The following LRRTM4 variants were observed in gnomAD, a reference collection of about 807,000 sequenced individuals.
LRRTM4 encodes the protein leucine rich repeat transmembrane neuronal 4, also known as leucine-rich repeat transmembrane neuronal protein 4.
Under a neutral mutation model 47.6 loss-of-function variants are expected in LRRTM4, and 25 were observed. The observed-to-expected ratio is 0.53, with a 90% CI of 0.38 to 0.73. The LOEUF (loss-of-function observed/expected upper bound fraction) is 0.73, where lower values mean the gene tolerates loss of function less well. Among genes scored for constraint, LRRTM4 ranks in the 30% least tolerant of loss-of-function variants. The pLI, the probability that LRRTM4 is intolerant of heterozygous loss-of-function variation, is 0.00. For synonymous variants in LRRTM4, 311 were observed against 269.5 expected (o/e 1.15, Z -1.51); for missense variants, 638 against 713.4 (o/e 0.89, Z 1.20).
intron 3 of LRRTM4, among the ~76,000 whole-genome samples, chr2:77,285,363 T>TATATATATATATATATATATATA (rs1676625877): frequency 2.8e-5 from 4 of 143,428 alleles, no homozygotes; most frequent in South Asian, 2.2e-4. Flanking sequence ...TATATATATA[T>TATATATATATATATATATATATA]GGCCAATAGA....
chr2:76,906,084 G>T (rs939286450), intron 3 of LRRTM4, among the ~76,000 whole-genome samples: 2 of 152,084 alleles, frequency 1.3e-5, no homozygotes, highest in African/African-American at 4.8e-5. Context: ...AAATGTTAAG[G>T]GCAGCCAGAG....
chr2:77,387,077 C>T (rs1673308126), intron 3 of LRRTM4, among the ~76,000 whole-genome samples: 1 of 152,010 alleles, frequency 6.6e-6, no homozygotes, highest in Non-Finnish European at 1.5e-5. Context: ...GGCAATATTC[C>T]TTGCATGAAG....
intron 3 of LRRTM4, among the ~76,000 whole-genome samples, chr2:77,187,424 T>G (rs943723484): frequency 7.6e-6 from 1 of 130,756 alleles, no homozygotes; most frequent in Non-Finnish European, 1.5e-5. Flanking sequence ...CATATTACAA[T>G]GAGAACACAT....
chr2:77,225,201 C>G (rs181053295), intron 3 of LRRTM4, among the ~76,000 whole-genome samples: 4 of 103,038 alleles, frequency 3.9e-5, no homozygotes, highest in Non-Finnish European at 5.4e-5. Flanking sequence ...CATCACACAC[C>G]GGGGACTGTT....
chr2:77,302,229 C>T (rs1677149297), intron 3 of LRRTM4, among the ~76,000 whole-genome samples: 1 of 152,136 alleles, frequency 6.6e-6, no homozygotes, highest in Non-Finnish European at 1.5e-5. Flanking sequence ...GCATCTAATA[C>T]AGAAATAATT....
At chr2:77,259,210 G>A (rs1255130801) in intron 3 of LRRTM4, among the ~76,000 whole-genome samples, 1 of 151,964 alleles carries the variant, frequency 6.6e-6, no homozygotes, top group Non-Finnish European at 1.5e-5. Context: ...ACTTAGATGT[G>A]AATTCTGACT....
intron 3 of LRRTM4, among the ~76,000 whole-genome samples, chr2:77,359,583 A>G (rs1179892787): frequency 1.3e-5 from 2 of 152,216 alleles, no homozygotes; most frequent in Non-Finnish European, 2.9e-5. Context: ...ATAGTGTTGT[A>G]AATTACATGA....
At chr2:77,456,670 C>G (rs1418064119) in intron 3 of LRRTM4, among the ~76,000 whole-genome samples, 2 of 152,018 alleles carry the variant, frequency 1.3e-5, no homozygotes, top group African/African-American at 4.8e-5. Context: ...TTTCAGCTGT[C>G]TTTCAGAACA....
At chr2:77,511,125 C>A (rs912923518) in intron 3 of LRRTM4, among the ~76,000 whole-genome samples, 1 of 151,984 alleles carries the variant, frequency 6.6e-6, no homozygotes, top group African/African-American at 2.4e-5. Flanking sequence ...ATTTGGAAAA[C>A]AATCATACCA....
At position 77,178,315 on chromosome 2, in the gene LRRTM4, C is replaced by T. The variant is rs547458445; in HGVS notation, c.1551+340003G>A. On this transcript the variant is annotated intron_variant, in intron 3 of 3. Coordinates refer to ENST00000409884, the MANE Select transcript of LRRTM4 (RefSeq NM_001134745.3). Reference sequence around the variant, plus strand: ...TTTAAAACTTTATTTCTGCTGGGCGCGGTGGCTCATGCCTGTAATCCCAGC... The same window carrying T: ...TTTAAAACTTTATTTCTGCTGGGCGTGGTGGCTCATGCCTGTAATCCCAGC... Among the ~76,000 whole-genome samples, 15 of 152,158 alleles carry T rather than the reference C, an allele frequency of 9.9e-5. 1 individual carries two copies. The highest frequency in any genetic ancestry group is 6.8e-3 in the Middle Eastern group (2 of 292).
intron 3 of LRRTM4, among the ~76,000 whole-genome samples, chr2:77,308,050 TTATATATC>T (rs1375711352): frequency 3.5e-5 from 5 of 142,016 alleles, no homozygotes; most frequent in South Asian, 2.2e-4. Flanking sequence ...CTATATAACA[TTATATATC>T]TATATATCTA....
At chr2:77,198,920 C>T (rs1228238271) in intron 3 of LRRTM4, among the ~76,000 whole-genome samples, 31 of 152,120 alleles carry the variant, frequency 2.0e-4, no homozygotes, top group Admixed American at 2.0e-3. Flanking sequence ...CTACCTTCCG[C>T]AGACTGTAAA....
intron 3 of LRRTM4, among the ~76,000 whole-genome samples, chr2:77,040,663 T>A (rs1678998666): frequency 6.6e-6 from 1 of 151,346 alleles, no homozygotes; most frequent in Admixed American, 6.6e-5. Context: ...AAAAGTGACA[T>A]ATATATTGGG....
intron 3 of LRRTM4, among the ~76,000 whole-genome samples, chr2:76,750,807 TTC>T (rs1174218063): frequency 6.6e-6 from 1 of 152,196 alleles, no homozygotes; most frequent in African/African-American, 2.4e-5. Context: ...TCCCTCTCTA[TTC>T]TTATGAGAAT....
intron 3 of LRRTM4, among the ~76,000 whole-genome samples, chr2:76,920,914 T>C (rs959349082): frequency 6.6e-6 from 1 of 152,094 alleles, no homozygotes; most frequent in Non-Finnish European, 1.5e-5. Context: ...TTTAGAACAG[T>C]CTTAGATTAA....
intron 3 of LRRTM4, among the ~76,000 whole-genome samples, chr2:76,806,053 G>A (rs898146453): frequency 1.8e-4 from 27 of 152,076 alleles, no homozygotes; most frequent in African/African-American, 5.1e-4. Context: ...TACAATCAAC[G>A]AAACTAAGAT....
intron 3 of LRRTM4, among the ~76,000 whole-genome samples, chr2:77,481,820 T>G (rs1677713578): frequency 6.6e-6 from 1 of 152,134 alleles, no homozygotes; most frequent in Admixed American, 6.5e-5. Flanking sequence ...CAGCTTTAGG[T>G]TAACTTATTT....
chr2:76,982,134 A>G (rs1262031660), intron 3 of LRRTM4, among the ~76,000 whole-genome samples: 2 of 152,010 alleles, frequency 1.3e-5, no homozygotes, highest in Non-Finnish European at 2.9e-5. Context: ...ATGATCTACC[A>G]TTTGTCATAT....
At chr2:77,210,842 CAA>C (rs1387112815) in intron 3 of LRRTM4, among the ~76,000 whole-genome samples, 1 of 152,120 alleles carries the variant, frequency 6.6e-6, no homozygotes, top group African/African-American at 2.4e-5. Context: ...TCTGTAGCTG[CAA>C]GAGAGACACA....
Sources: allele counts gnomAD v4.1 joint callset (sites outside exome capture counted in the v4.1 genomes callset), GRCh38; gene constraint gnomAD v4.1.1; transcripts MANE v1.5; gene names NCBI Gene and HGNC (gene_info 2026-07-23, HGNC 2026-07-21).